Variants in TERF2 observed in about 807,000 individuals in gnomAD.
The protein encoded by TERF2 is telomeric repeat binding factor 2.
A neutral mutation model predicts 56.1 loss-of-function variants in TERF2; 16 were observed. That is an observed-to-expected ratio of 0.29 (90% confidence interval 0.19 to 0.43). The LOEUF (loss-of-function observed/expected upper bound fraction) is 0.43. Ranked by LOEUF, TERF2 falls within the 20% of genes least tolerant of loss-of-function variation. TERF2 has a pLI of 1.00. For missense variants in TERF2, 547 were observed against 712.9 expected (o/e 0.77, Z 2.65); for synonymous variants, 296 against 282.1 (o/e 1.05, Z -0.50).
At chr16:69,363,105 T>G (rs2013205740) in intron 7 of TERF2, among the ~76,000 whole-genome samples, 1 of 152,212 alleles carries the variant, frequency 6.6e-6, no homozygotes, top group Non-Finnish European at 1.5e-5. Context: ...TTGAGAATAA[T>G]TTACTTGAGA....
intron 2 of TERF2, among the ~76,000 whole-genome samples, chr16:69,385,127 C>T (rs556205352): frequency 2.8e-4 from 42 of 152,126 alleles, no homozygotes; most frequent in African/African-American, 8.4e-4. Context: ...ATGAACATAA[C>T]TCACTTTAGA....
At chr16:69,376,517 A>G (rs1225188908) in intron 3 of TERF2, among the ~76,000 whole-genome samples, 9 of 151,934 alleles carry the variant, frequency 5.9e-5, no homozygotes, top group Admixed American at 5.9e-4. Flanking sequence ...TTGCTTTTCC[A>G]TATGTTTTAG....
intron 5 of TERF2, 189 bp from the exon 6 acceptor site, chr16:69,368,671 T>C (rs771091023): frequency 2.7e-5 from 39 of 1,429,972 alleles, no homozygotes; most frequent in Non-Finnish European, 3.7e-5. Flanking sequence ...TATTCAAACT[T>C]AAGATAACTA....
At chr16:69,377,313 C>T (rs1304175237) in intron 3 of TERF2, among the ~76,000 whole-genome samples, 2 of 151,816 alleles carry the variant, frequency 1.3e-5, no homozygotes, top group Non-Finnish European at 2.9e-5. Context: ...AATCCATGAA[C>T]ATGAACATTC....
chr16:69,368,565 A>G (rs772946618), intron 5 of TERF2, 83 bp from the exon 6 acceptor site: 1 of 1,575,636 alleles, frequency 6.3e-7, no homozygotes, highest in Non-Finnish European at 8.6e-7. Flanking sequence ...AATATACTCA[A>G]TATGCAAACA....
In TERF2 at chr16:69,361,423, A is replaced by T; in HGVS notation, c.1407T>A (p.Asp469Glu). Residue 469 changes from aspartate to glutamate, a missense_variant, in exon 8 of 10, where the codon GAT becomes GAA. Asp to Glu is a conservative substitution (Grantham distance 45). This residue lies in a region of TERF2 where 211 missense variants were observed against 236.8 expected (regional missense o/e 0.89). Coordinates refer to ENST00000254942, the MANE Select transcript of TERF2 (RefSeq NM_005652.5). ...GCTTACCCTGAACTTGAAACAGTTC[A>T]TCCTCTTCCACCCAAGTCTCCTTTT... ...VEEKETWVEE[D>E]ELFQVQAAPD... The T allele has an allele frequency of 6.2e-7, 1 of 1,613,966 alleles. No individual in the cohort carries two copies. Among genetic ancestry groups the T allele is most frequent in the Admixed American group, 1.7e-5 (1 of 60,018 alleles).
At chr16:69,371,676 G>T (rs1240656035) in intron 4 of TERF2, among the ~76,000 whole-genome samples, 1 of 152,002 alleles carries the variant, frequency 6.6e-6, no homozygotes, top group Middle Eastern at 3.2e-3. Flanking sequence ...TTAGCCATGT[G>T]TGGTGGCATG....
intron 8 of TERF2, among the ~76,000 whole-genome samples, chr16:69,359,852 C>T (rs1243536549): frequency 2.0e-5 from 3 of 151,654 alleles, no homozygotes; most frequent in African/African-American, 7.3e-5. Context: ...AACTTCTGAC[C>T]TTGTGATCCG....
rs554960292 is a variant in TERF2, at chr16:69,383,235, C to T, written c.606+1345G>A. ...CTCCAATGAGCATTTCCTTTGAGTG[C>T]CATGTTGGCACTCAAAAAGTTTCAG... is the stretch of plus-strand genomic sequence containing the variant. On this transcript the variant is annotated intron_variant, in intron 3 of 9. Transcript: ENST00000254942. 1.7e-3 allele frequency among the ~76,000 whole-genome samples: 257 copies of T among 152,182 alleles called. 3 individuals are homozygous for T. Among genetic ancestry groups the T allele is most frequent in the African/African-American group, 5.9e-3 (244 of 41,534 alleles).
At chr16:69,363,622 T>C (rs1480616466) in intron 7 of TERF2, among the ~76,000 whole-genome samples, 1 of 152,088 alleles carries the variant, frequency 6.6e-6, no homozygotes, top group Non-Finnish European at 1.5e-5. Flanking sequence ...TTGTGTACCA[T>C]GAAGCTTGGG....
At chr16:69,381,925 A>T (rs1237683134) in intron 3 of TERF2, among the ~76,000 whole-genome samples, 1 of 152,190 alleles carries the variant, frequency 6.6e-6, no homozygotes, top group African/African-American at 2.4e-5. Context: ...GCTTTTAAAC[A>T]ACTGTGACTA....
chr16:69,356,804 A>AT lies in TERF2; in HGVS notation c.*93_*94insA. The AT allele has an allele frequency of 7.2e-7, 1 of 1,395,190 alleles. No individual in the cohort carries two copies. Among genetic ancestry groups the AT allele is most frequent in the Non-Finnish European group, 9.5e-7 (1 of 1,051,256 alleles). 86.4% of individuals were successfully genotyped at this position (1,395,190 alleles called of 1,614,324 possible). A position where few individuals can be genotyped will look rare whatever the true frequency, so the allele number is the denominator to read the frequency against. On this transcript the variant is annotated 3_prime_UTR_variant, in exon 10 of 10. Coordinates refer to ENST00000254942, the MANE Select transcript of TERF2 (RefSeq NM_005652.5). ...GACAGAGCGAGACTCTGTCTCAAAA[A>AT]AAAAAAAAAAAGAAAAAGAAAGAAA...
intron 7 of TERF2, among the ~76,000 whole-genome samples, chr16:69,362,099 C>G (rs1332835875): frequency 1.3e-4 from 20 of 151,754 alleles, no homozygotes; most frequent in Admixed American, 1.3e-3. Flanking sequence ...GGAGTCCACA[C>G]CATCCAGTCT....
chr16:69,368,225 G>A (rs1350962496), intron 6 of TERF2, 151 bp downstream of exon 6: 5 of 671,192 alleles, frequency 7.4e-6, no homozygotes, highest in Non-Finnish European at 1.3e-5. Context: ...TTCCCAGGGT[G>A]TGCAGTCTCC....
At chr16:69,372,573 A>G (rs1344916551) in intron 3 of TERF2, among the ~76,000 whole-genome samples, 2 of 151,976 alleles carry the variant, frequency 1.3e-5, no homozygotes, top group East Asian at 3.9e-4. Flanking sequence ...GACCAGCCTG[A>G]CCAACATGGA....
At chr16:69,376,868 A>AAC (rs1428492138) in intron 3 of TERF2, among the ~76,000 whole-genome samples, 5 of 150,682 alleles carry the variant, frequency 3.3e-5, no homozygotes, top group African/African-American at 1.2e-4. Flanking sequence ...ACATTGAAAA[A>AAC]AAAAAAAAAA....
chr16:69,366,641 G>GGA, intron 7 of TERF2, 166 bp downstream of exon 7: 1 of 887,996 alleles, frequency 1.1e-6, no homozygotes, highest in Non-Finnish European at 1.6e-6. Flanking sequence ...GAACCGGCAG[G>GGA]GATGGCTACG....
At chr16:69,382,557 T>A (rs769721798) in intron 3 of TERF2, among the ~76,000 whole-genome samples, 3 of 152,176 alleles carry the variant, frequency 2.0e-5, no homozygotes, top group Non-Finnish European at 4.4e-5. Context: ...GAAGTGATAA[T>A]GTGTCACTTC....
At chr16:69,357,271 C>T (rs537898345) in intron 9 of TERF2, among the ~76,000 whole-genome samples, 14 of 152,352 alleles carry the variant, frequency 9.2e-5, no homozygotes, top group Non-Finnish European at 1.9e-4. Context: ...CCTCAAGTAA[C>T]AATCACTTCT....
Sources: allele counts gnomAD v4.1 joint callset (sites outside exome capture counted in the v4.1 genomes callset), GRCh38; gene constraint gnomAD v4.1.1; regional missense constraint gnomAD v4.1.1; transcripts MANE v1.5; gene names NCBI Gene and HGNC (gene_info 2026-07-23, HGNC 2026-07-21).